Variants in FHOD3 observed in about 807,000 individuals in gnomAD.
The protein encoded by FHOD3 is formin homology 2 domain containing 3.
A neutral mutation model predicts 173.0 loss-of-function variants in FHOD3; 90 were observed. The ratio of observed to expected loss-of-function variants is 0.52; its 90% CI spans 0.44 to 0.62. The LOEUF is 0.62. Ranked by LOEUF, FHOD3 falls within the 20% of genes least tolerant of loss-of-function variation. FHOD3 has a pLI of 0.00. For synonymous variants in FHOD3, 828 were observed against 823.0 expected (o/e 1.01, Z -0.10); for missense variants, 1,945 against 2,034.7 (o/e 0.96, Z 0.85).
Position 36,639,814 on chromosome 18 carries a change from GT to G in FHOD3, c.1197-9488del, listed in dbSNP as rs35647519. ...GAATATCTGTGGCTTAGAATAAAGT[GT>G]TTTTTTTTTTTTTAAACACAAAGTC... On this transcript the variant is annotated intron_variant, in intron 10 of 28. Transcript: ENST00000590592. Among the ~76,000 whole-genome samples the G allele has an allele frequency of 5.4e-3, 787 of 145,778 alleles. 3 individuals are homozygous for G. Among genetic ancestry groups the G allele is most frequent in the East Asian group, 7.4e-3 (37 of 5,002 alleles).
chr18:36,768,655 T>C (rs185253309), intron 27 of FHOD3, among the ~76,000 whole-genome samples: 2 of 152,212 alleles, frequency 1.3e-5, no homozygotes, highest in East Asian at 3.9e-4. Context: ...CAGAGAAAAA[T>C]TTAAGTTACC....
chr18:36,377,940 T>C (rs1315616671), intron 3 of FHOD3, among the ~76,000 whole-genome samples: 1 of 152,224 alleles, frequency 6.6e-6, no homozygotes, highest in African/African-American at 2.4e-5. Flanking sequence ...GCCTCTACCA[T>C]GCAGCTTAGA....
intron 3 of FHOD3, among the ~76,000 whole-genome samples, chr18:36,472,581 C>A (rs956377222): frequency 6.6e-6 from 1 of 152,148 alleles, no homozygotes; most frequent in African/African-American, 2.4e-5. Flanking sequence ...TCTTTTCCTC[C>A]CCAGCCCTAG....
chr18:36,695,978 C>T (rs1212692420), intron 17 of FHOD3, among the ~76,000 whole-genome samples: 1 of 152,192 alleles, frequency 6.6e-6, no homozygotes, highest in African/African-American at 2.4e-5. Flanking sequence ...CACCAAACAC[C>T]TGGCATGTCC....
chr18:36,534,380 G>T (rs1190702201), intron 5 of FHOD3, among the ~76,000 whole-genome samples: 1 of 152,246 alleles, frequency 6.6e-6, no homozygotes, highest in Non-Finnish European at 1.5e-5. Flanking sequence ...ATGGGCTGAT[G>T]AGGAGCAAGG....
In FHOD3 at chr18:36,351,159, C is replaced by A. The variant is rs924148340; in HGVS notation, c.166-4380C>A. 2.0e-5 allele frequency among the ~76,000 whole-genome samples: 3 copies of A among 152,292 alleles called. No individual in the cohort carries two copies. The South Asian group carries it at 6.2e-4, about 32-fold the overall frequency. On this transcript the variant is annotated intron_variant, in intron 1 of 28. Coordinates refer to ENST00000590592, the MANE Select transcript of FHOD3 (RefSeq NM_001281740.3). ...TCCCCTTTGCACACACATGTCCTGT[C>A]TCCCAAAGGGCAGCCCCTCTTCCTA...
At chr18:36,585,291 A>C (rs2058989687) in intron 6 of FHOD3, among the ~76,000 whole-genome samples, 1 of 152,180 alleles carries the variant, frequency 6.6e-6, no homozygotes, top group South Asian at 2.1e-4. Flanking sequence ...TGGCATAGTC[A>C]TGTAATATTT....
intron 3 of FHOD3, among the ~76,000 whole-genome samples, chr18:36,407,898 G>A (rs1295630284): frequency 6.6e-6 from 1 of 152,202 alleles, no homozygotes; most frequent in African/African-American, 2.4e-5. Context: ...GTGAGAGCTA[G>A]TAGATGATCA....
chr18:36,678,524 CAAAAAAAAAAA>C (rs58064190), intron 14 of FHOD3, among the ~76,000 whole-genome samples: 2 of 71,164 alleles, frequency 2.8e-5, no homozygotes, highest in South Asian at 6.0e-4. Flanking sequence ...GACCCTGTCT[CAAAAAAAAAAA>C]AAAAAAAAAA....
intron 5 of FHOD3, among the ~76,000 whole-genome samples, chr18:36,537,711 G>C (rs1432051518): frequency 6.6e-6 from 1 of 152,122 alleles, no homozygotes. Flanking sequence ...AGCAAAAACT[G>C]ATAGAACTGC....
At chr18:36,302,411 A>C (rs893837494) in intron 1 of FHOD3, among the ~76,000 whole-genome samples, 1 of 152,070 alleles carries the variant, frequency 6.6e-6, no homozygotes, top group African/African-American at 2.4e-5. Context: ...CGACCTGCTG[A>C]ATCAGAACAC....
At chr18:36,413,161 G>A (rs939447920) in intron 3 of FHOD3, among the ~76,000 whole-genome samples, 9 of 152,208 alleles carry the variant, frequency 5.9e-5, no homozygotes, top group African/African-American at 1.9e-4. Flanking sequence ...TCCAACATAA[G>A]ACCAATGTTG....
intron 3 of FHOD3, among the ~76,000 whole-genome samples, chr18:36,440,791 G>A (rs898096495): frequency 7.2e-5 from 11 of 152,164 alleles, no homozygotes; most frequent in South Asian, 2.1e-4. Context: ...CTCAGTAGTC[G>A]CATTCCCTTA....
chr18:36,603,001 G>A (rs1385403348), intron 8 of FHOD3, among the ~76,000 whole-genome samples: 1 of 152,136 alleles, frequency 6.6e-6, no homozygotes, highest in Non-Finnish European at 1.5e-5. Flanking sequence ...GACAGGCAGA[G>A]GTCAGAATAA....
intron 6 of FHOD3, among the ~76,000 whole-genome samples, chr18:36,594,385 T>C (rs577688809): frequency 6.6e-6 from 1 of 152,278 alleles, no homozygotes; most frequent in Admixed American, 6.5e-5. Flanking sequence ...TTTCTGCTTC[T>C]TCACGAGAAA....
chr18:36,356,410 T>C (rs540849297), intron 2 of FHOD3, among the ~76,000 whole-genome samples: 30 of 152,324 alleles, frequency 2.0e-4, no homozygotes, highest in Admixed American at 9.8e-4. Context: ...TCTCTAGGAA[T>C]ATACCCATAT....
Position 36,652,512 on chromosome 18 carries a change from G to T in FHOD3, c.1287-58G>T, listed in dbSNP as rs999840608. The T allele has an allele frequency of 4.1e-6, 6 of 1,475,976 alleles. No homozygotes were observed. The African/African-American group carries it at 7.0e-5, about 17-fold the overall frequency. 91.4% of individuals were successfully genotyped at this position (1,475,976 alleles called of 1,614,324 possible). ...CCTGTCTCTCTTTTTCCTAACCTTTGCTCCTTCTCTCCCAAATCTTTTTTT... is the reference window on the plus strand; with the variant it reads ...CCTGTCTCTCTTTTTCCTAACCTTTTCTCCTTCTCTCCCAAATCTTTTTTT... On this transcript the variant is annotated intron_variant, in intron 11 of 28. Coordinates refer to ENST00000590592, the MANE Select transcript of FHOD3 (RefSeq NM_001281740.3).
intron 10 of FHOD3, among the ~76,000 whole-genome samples, chr18:36,634,168 T>C (rs778647569): frequency 6.6e-6 from 1 of 152,100 alleles, no homozygotes; most frequent in Non-Finnish European, 1.5e-5. Context: ...AGGATGCGGG[T>C]AGCCAAGCCT....
At chr18:36,445,379 A>G (rs1027249763) in intron 3 of FHOD3, among the ~76,000 whole-genome samples, 3 of 152,190 alleles carry the variant, frequency 2.0e-5, no homozygotes, top group African/African-American at 7.2e-5. Flanking sequence ...TCTGGGTTTT[A>G]GGCCTGCCTT....
Sources: allele counts gnomAD v4.1 joint callset (sites outside exome capture counted in the v4.1 genomes callset), GRCh38; gene constraint gnomAD v4.1.1; transcripts MANE v1.5; gene names NCBI Gene and HGNC (gene_info 2026-07-23, HGNC 2026-07-21).